Variants in MAGI2 observed in about 807,000 individuals in gnomAD.
MAGI2 encodes the protein membrane-associated guanylate kinase, WW and PDZ domain-containing protein 2.
A neutral mutation model predicts 133.3 loss-of-function variants in MAGI2; 35 were observed. That is an observed-to-expected ratio of 0.26 (90% CI 0.20 to 0.35). The LOEUF (loss-of-function observed/expected upper bound fraction) is 0.35, where lower values mean the gene tolerates loss of function less well. MAGI2 is among the 10% of genes least tolerant of loss of function. The probability of loss-of-function intolerance (pLI) is 1.00; values close to 1 mark genes in which losing one functional copy is unlikely to be tolerated. For missense variants in MAGI2, 1,636 were observed against 1,863.4 expected (o/e 0.88, Z 2.25); for synonymous variants, 729 against 710.6 (o/e 1.03, Z -0.41).
intron 2 of MAGI2, among the ~76,000 whole-genome samples, chr7:78,971,288 C>T (rs1009405708): frequency 6.6e-6 from 1 of 151,938 alleles, no homozygotes; most frequent in African/African-American, 2.4e-5. Flanking sequence ...CCCATTGTCT[C>T]TCTTCAAAGA....
chr7:78,118,440 A>G (rs534888165), intron 20 of MAGI2, among the ~76,000 whole-genome samples: 20 of 152,334 alleles, frequency 1.3e-4, no homozygotes, highest in East Asian at 5.8e-4. Context: ...GAAAATATTT[A>G]TGAAAGATGT....
At position 78,466,070 on chromosome 7, in the gene MAGI2, T is replaced by C. The variant is rs143049791; in HGVS notation, c.1045+23691A>G. Among the ~76,000 whole-genome samples the C allele has an allele frequency of 1.5e-3, 232 of 152,228 alleles. 2 individuals are homozygous for C. The highest frequency in any genetic ancestry group is 4.6e-3 in the African/African-American group (193 of 41,568). ...CAACCACTTGCTCTTAACATCCTCC[T>C]TGCTAATCAGGGCCTGCATCACAGT... is the stretch of plus-strand genomic sequence containing the variant. On this transcript the variant is annotated intron_variant, in intron 6 of 21. Transcript: ENST00000354212.
chr7:78,510,700 T>G (rs76452587), intron 4 of MAGI2, among the ~76,000 whole-genome samples: 3,267 of 152,310 alleles, frequency 0.021, 113 homozygotes, highest in African/African-American at 0.074. Context: ...AAAGCAATCT[T>G]CAGAAACCAT....
chr7:79,007,131 T>C lies in MAGI2; in HGVS notation c.377A>G (p.Gln126Arg), dbSNP rs780776502. 1 of 1,613,436 alleles carries C rather than the reference T, an allele frequency of 6.2e-7. No individual in the cohort carries two copies. Among genetic ancestry groups the C allele is most frequent in the African/African-American group, 1.3e-5 (1 of 75,006 alleles). ...FQKGSVDHEL[Q>R]QIIRDNLYLR... ...GTAGAGGTTGTCACGAATGATTTGC[T>C]GAAGCTCATGGTCCACAGAACCCTT... The change falls in exon 2 of 22, where the codon CAG (glutamine) becomes CGG (arginine). Residue 126 changes from glutamine (Q) to arginine (R), a missense_variant. Gln to Arg is a conservative substitution (Grantham distance 43). Around this residue, in one of 5 missense-constraint regions of MAGI2, gnomAD observed 148 missense variants for 239.0 expected, o/e 0.62. Coordinates refer to ENST00000354212, the MANE Select transcript of MAGI2 (RefSeq NM_012301.4).
At chr7:79,406,367 G>C (rs746164649) in intron 1 of MAGI2, among the ~76,000 whole-genome samples, 3 of 152,156 alleles carry the variant, frequency 2.0e-5, no homozygotes, top group Non-Finnish European at 4.4e-5. Flanking sequence ...AATGTAACTA[G>C]AGCCTGAGAG....
intron 1 of MAGI2, among the ~76,000 whole-genome samples, chr7:79,145,958 G>A (rs1822577502): frequency 6.6e-6 from 1 of 152,144 alleles, no homozygotes; most frequent in Non-Finnish European, 1.5e-5. Context: ...ATGGAAGAAG[G>A]ATGCATTTTC....
intron 2 of MAGI2, among the ~76,000 whole-genome samples, chr7:78,959,803 G>C (rs1802695181): frequency 6.6e-6 from 1 of 152,128 alleles, no homozygotes; most frequent in Non-Finnish European, 1.5e-5. Flanking sequence ...ATTGACTTAT[G>C]AGTTAATCAT....
intron 1 of MAGI2, among the ~76,000 whole-genome samples, chr7:79,416,884 G>A (rs981910205): frequency 5.3e-5 from 8 of 151,180 alleles, no homozygotes; most frequent in African/African-American, 1.5e-4. Flanking sequence ...ACAGGCACCC[G>A]CCACCATGCC....
chr7:78,480,866 G>A (rs985987438), intron 6 of MAGI2, among the ~76,000 whole-genome samples: 3 of 151,756 alleles, frequency 2.0e-5, no homozygotes, highest in African/African-American at 7.3e-5. Flanking sequence ...TAAACAAAAC[G>A]TGCCATATAT....
At chr7:79,126,447 A>G (rs552876160) in intron 1 of MAGI2, among the ~76,000 whole-genome samples, 1 of 152,250 alleles carries the variant, frequency 6.6e-6, no homozygotes, top group South Asian at 2.1e-4. Flanking sequence ...TCTCTTACTC[A>G]TTTACGCTAA....
intron 2 of MAGI2, among the ~76,000 whole-genome samples, chr7:78,908,021 G>A (rs1221372138): frequency 2.0e-5 from 3 of 152,122 alleles, no homozygotes; most frequent in Non-Finnish European, 4.4e-5. Flanking sequence ...GAGGAGGAGA[G>A]GAGATGATGT....
intron 1 of MAGI2, among the ~76,000 whole-genome samples, chr7:79,201,827 G>A (rs1328944855): frequency 6.6e-6 from 1 of 151,834 alleles, no homozygotes; most frequent in African/African-American, 2.4e-5. Flanking sequence ...TTCAAATTAT[G>A]TTTGGATTTG....
At chr7:78,217,922 C>G (rs999148552) in intron 10 of MAGI2, among the ~76,000 whole-genome samples, 8 of 152,162 alleles carry the variant, frequency 5.3e-5, no homozygotes, top group African/African-American at 1.7e-4. Flanking sequence ...ACATCATAAT[C>G]TCCTGTGTAT....
intron 3 of MAGI2, among the ~76,000 whole-genome samples, chr7:78,531,200 G>A (rs1204447560): frequency 2.0e-5 from 3 of 150,438 alleles, no homozygotes; most frequent in Non-Finnish European, 4.4e-5. Flanking sequence ...TGTTATTAAT[G>A]TAATTATTAA....
chr7:78,324,985 C>CAAAAT (rs1016811264), intron 9 of MAGI2, among the ~76,000 whole-genome samples: 2 of 151,996 alleles, frequency 1.3e-5, no homozygotes, highest in Non-Finnish European at 2.9e-5. Flanking sequence ...TAAATAAATA[C>CAAAAT]AAAATAAAAT....
chr7:79,425,184 G>A (rs1250729941), intron 1 of MAGI2, among the ~76,000 whole-genome samples: 2 of 151,594 alleles, frequency 1.3e-5, no homozygotes, highest in African/African-American at 4.8e-5. Flanking sequence ...CCCAGGCATC[G>A]GAGGTTGCAG....
chr7:78,884,375 T>C (rs140935320), intron 2 of MAGI2, among the ~76,000 whole-genome samples: 56 of 152,178 alleles, frequency 3.7e-4, no homozygotes, highest in African/African-American at 1.3e-3. Flanking sequence ...TCCTGGATAT[T>C]TGAGAGGCTG....
chr7:79,345,016 G>A (rs1288582418), intron 1 of MAGI2, among the ~76,000 whole-genome samples: 2 of 152,034 alleles, frequency 1.3e-5, no homozygotes, highest in Non-Finnish European at 1.5e-5. Flanking sequence ...TTGACTCCAA[G>A]AATGTCCATA....
chr7:78,172,063 G>A (rs892378593), intron 14 of MAGI2, among the ~76,000 whole-genome samples: 3 of 152,046 alleles, frequency 2.0e-5, no homozygotes, highest in South Asian at 4.2e-4. Flanking sequence ...TTTATCTCTC[G>A]CTGTGAGGGC....
Sources: gnomAD v4.1 joint callset for allele counts (sites outside exome capture counted in the v4.1 genomes callset) on GRCh38, gnomAD v4.1.1 for gene constraint, gnomAD v4.1.1 regional missense constraint, MANE v1.5 for transcripts, NCBI Gene and HGNC (gene_info 2026-07-23, HGNC 2026-07-21) for gene names.